The following PADI6 variants were observed in gnomAD, a reference collection of about 807,000 sequenced individuals.
The protein encoded by PADI6 is peptidyl arginine deiminase 6.
PADI6 carries 66 observed loss-of-function variants against 78.2 expected under a neutral mutation model. That is an observed-to-expected ratio of 0.84 (90% CI 0.69 to 1.04). The LOEUF (loss-of-function observed/expected upper bound fraction) is 1.04, where lower values mean the gene tolerates loss of function less well. PADI6 is among the 50% of genes least tolerant of loss of function. The pLI, the probability that PADI6 is intolerant of heterozygous loss-of-function variation, is 0.00. For missense variants in PADI6, 854 were observed against 866.1 expected (o/e 0.99, Z 0.18); for synonymous variants, 397 against 346.9 (o/e 1.14, Z -1.60).
rs116768744 is a variant in PADI6 at position 17,382,437 on chromosome 1, C to G, written c.679+345C>G. ...CAGAGTAGATCACATCTCCCAGTGA[C>G]TCCTCTCAGGAGAATCCATCTTCAC... On this transcript the variant is annotated intron_variant, in intron 6 of 15. Transcript: ENST00000619609. Among the ~76,000 whole-genome samples, 768 of 152,318 alleles carry G rather than the reference C, an allele frequency of 5.0e-3. 9 individuals carry two copies. Among genetic ancestry groups the G allele is most frequent in the African/African-American group, 0.018 (741 of 41,564 alleles).
chr1:17,392,040 C>CT, intron 8 of PADI6, 74 bp from the exon 9 acceptor site: 1 of 1,272,004 alleles, frequency 7.9e-7, no homozygotes, highest in Non-Finnish European at 1.1e-6. Context: ...TTCTTCCTCT[C>CT]TTGGCACAAG....
Position 17,389,228 on chromosome 1 carries a change from G to C in PADI6, c.962+348G>C, listed in dbSNP as rs113991627. Among the ~76,000 whole-genome samples the C allele has an allele frequency of 4.7e-3, 714 of 152,344 alleles. 11 individuals are homozygous for C. Among genetic ancestry groups the C allele is most frequent in the African/African-American group, 0.015 (643 of 41,596 alleles). The stretch of plus-strand genomic sequence containing the variant: ...TCCTACGGAGCCAGAGAACAGGTGT[G>C]AGCCCAGGAAGGGGCGGTGTGGGGA... On this transcript the variant is annotated intron_variant, in intron 8 of 15. Coordinates refer to ENST00000619609, the MANE Select transcript of PADI6 (RefSeq NM_207421.4).
chr1:17,385,802 C>T (rs1454027606), intron 6 of PADI6, among the ~76,000 whole-genome samples: 1 of 152,084 alleles, frequency 6.6e-6, no homozygotes, highest in African/African-American at 2.4e-5. Context: ...AACTGGGATT[C>T]TTGAGGAATA....
In PADI6 at chr1:17,394,021, C is replaced by T. The variant is rs1242777570; in HGVS notation, c.1121C>T (p.Ser374Phe). The T allele has an allele frequency of 6.2e-7, 1 of 1,613,992 alleles. No individual in the cohort carries two copies. Among genetic ancestry groups the T allele is most frequent in the African/African-American group, 1.3e-5 (1 of 75,036 alleles). ...ACCCAGGCTCCCCACAAGACAACGT[C>T]CTTGATCCTCGACACACCTCAGGCC... is the stretch of plus-strand genomic sequence containing the variant. The part of the protein sequence containing the change: ...CYTQAPHKTT[S>F]LILDTPQAAD... The change falls in exon 10 of 16, where the codon TCC (serine) becomes TTC (phenylalanine). Residue 374 changes from serine to phenylalanine, a missense_variant. Physicochemically the swap from Ser to Phe is radical, Grantham distance 155. Coordinates refer to ENST00000619609, the MANE Select transcript of PADI6 (RefSeq NM_207421.4).
chr1:17,372,731 C>G (rs1359616802), intron 1 of PADI6, among the ~76,000 whole-genome samples: 2 of 152,156 alleles, frequency 1.3e-5, no homozygotes, highest in African/African-American at 4.8e-5. Flanking sequence ...AGTACAACTT[C>G]CTGAGTCGCT....
Position 17,401,467 on chromosome 1 carries a change from C to T in PADI6, c.*29C>T. On this transcript the variant is annotated 3_prime_UTR_variant, in exon 16 of 16. Coordinates refer to ENST00000619609, the MANE Select transcript of PADI6 (RefSeq NM_207421.4). ...CAGGCCCTGGAGCTGCCAGCTCTGC[C>T]CCAGCGTGGATGGCCCACTGTCACC... 1 of 1,584,594 alleles carries T rather than the reference C, an allele frequency of 6.3e-7. No homozygotes were observed. The highest frequency in any genetic ancestry group is 1.7e-5 in the Admixed American group (1 of 58,476).
chr1:17,376,447 C>G (rs768209158), intron 3 of PADI6, among the ~76,000 whole-genome samples: 308 of 151,094 alleles, frequency 2.0e-3, no homozygotes, highest in Non-Finnish European at 1.5e-3. Context: ...CTATAGGTAC[C>G]CGCCACCATG....
chr1:17,374,192 G>C (rs1232894560), intron 2 of PADI6, among the ~76,000 whole-genome samples: 1 of 152,084 alleles, frequency 6.6e-6, no homozygotes, highest in African/African-American at 2.4e-5. Flanking sequence ...AGGACTGGGA[G>C]AGCTCTCCCT....
chr1:17,375,340 C>T (rs1432333347), intron 2 of PADI6, 87 bp from the exon 3 acceptor site: 23 of 1,238,434 alleles, frequency 1.9e-5, no homozygotes, highest in Admixed American at 6.1e-5. Context: ...CAAGATCCCA[C>T]GCCTAGACTC....
Position 17,395,087 on chromosome 1 carries a change from G to A in PADI6, c.1474G>A (p.Asp492Asn), listed in dbSNP as rs1222439560. The change falls in exon 12 of 16, where the codon GAC (aspartate) becomes AAC (asparagine). Residue 492 changes from aspartate to asparagine, a missense_variant. Physicochemically the swap from Asp to Asn is conservative, Grantham distance 23 (BLOSUM62 1). Transcript: ENST00000619609. ...DEFMCFIPTD[D>N]KNEGKKGFLL... ...GTTCATGTGCTTCATCCCCACAGATGACAAGAATGAGGGCAAAAAGGTCTG... is the reference window on the plus strand; with the variant it reads ...GTTCATGTGCTTCATCCCCACAGATAACAAGAATGAGGGCAAAAAGGTCTG... 1 of 1,613,944 alleles carries A rather than the reference G, an allele frequency of 6.2e-7. No individual in the cohort carries two copies.
chr1:17,388,711 C>T lies in PADI6; in HGVS notation c.859-66C>T, dbSNP rs2075151876. The T allele has an allele frequency of 5.9e-6, 9 of 1,534,256 alleles. No individual in the cohort carries two copies. The Admixed American group carries it at 1.5e-4, about 25-fold the overall frequency. ...GGGGGCCGGACTGAACGGCCGGAAC[C>T]CTGGGGTAAGAGGGGAGCGAGTAAA... On this transcript the variant is annotated intron_variant, in intron 7 of 15. Coordinates refer to ENST00000619609, the MANE Select transcript of PADI6 (RefSeq NM_207421.4).
At chr1:17,384,655 T>C (rs959959062) in intron 6 of PADI6, among the ~76,000 whole-genome samples, 3 of 151,374 alleles carry the variant, frequency 2.0e-5, no homozygotes. Context: ...GGGAGGATCA[T>C]GTGAACCCGG....
At chr1:17,378,437 C>T (rs930094025) in intron 3 of PADI6, among the ~76,000 whole-genome samples, 8 of 152,120 alleles carry the variant, frequency 5.3e-5, no homozygotes, top group African/African-American at 1.9e-4. Flanking sequence ...CCTGATATTC[C>T]AGTTGGGAAT....
intron 15 of PADI6, among the ~76,000 whole-genome samples, chr1:17,400,499 CTG>C (rs566453593): frequency 1.3e-5 from 2 of 150,932 alleles, no homozygotes; most frequent in Non-Finnish European, 2.9e-5. Flanking sequence ...AAGAGCAAAA[CTG>C]TTTTGTTTTT....
intron 8 of PADI6, among the ~76,000 whole-genome samples, chr1:17,391,615 G>A (rs913825564): frequency 7.2e-5 from 11 of 152,166 alleles, no homozygotes; most frequent in African/African-American, 1.4e-4. Context: ...TGTGCACAAC[G>A]GCTTGAAGAC....
intron 13 of PADI6, among the ~76,000 whole-genome samples, chr1:17,396,655 T>C (rs187041311): frequency 2.4e-4 from 37 of 152,218 alleles, no homozygotes; most frequent in Admixed American, 1.6e-3. Context: ...GCAAATAAAT[T>C]GGGCATCCCT....
In PADI6 at chr1:17,375,902, T is replaced by C. The variant is rs545276627; in HGVS notation, c.367+403T>C. On this transcript the variant is annotated intron_variant, in intron 3 of 15. Transcript: ENST00000619609. ...ACATTCCTTTGTCAATTCTTACCAA[T>C]GTAAGAAGCCGCCACCCTTCCCCGC... Among the ~76,000 whole-genome samples, 7 of 152,294 alleles carry C rather than the reference T, an allele frequency of 4.6e-5. No homozygotes were observed. In the South Asian group the frequency reaches 6.2e-4, roughly 14 times the overall value.
chr1:17,377,554 A>G (rs1220958602), intron 3 of PADI6, among the ~76,000 whole-genome samples: 1 of 152,170 alleles, frequency 6.6e-6, no homozygotes, highest in South Asian at 2.1e-4. Context: ...CTGAAATGCA[A>G]ATGGATTCTC....
intron 15 of PADI6, among the ~76,000 whole-genome samples, chr1:17,400,807 CAG>C (rs2075294283): frequency 1.3e-5 from 2 of 152,116 alleles, no homozygotes; most frequent in African/African-American, 4.8e-5. Context: ...TTGATCAGCT[CAG>C]TGTGGTCCGG....
Sources: allele counts gnomAD v4.1 joint callset (sites outside exome capture counted in the v4.1 genomes callset), GRCh38; gene constraint gnomAD v4.1.1; transcripts MANE v1.5; gene names NCBI Gene and HGNC (gene_info 2026-07-23, HGNC 2026-07-21).